Variants in RNF144B observed in about 807,000 individuals in gnomAD.
The protein encoded by RNF144B is ring finger protein 144B.
Under a neutral mutation model 40.2 loss-of-function variants are expected in RNF144B, and 25 were observed. The ratio of observed to expected loss-of-function variants is 0.62; its 90% CI spans 0.45 to 0.87. The LOEUF is 0.87. Ranked by LOEUF, RNF144B falls within the 40% of genes least tolerant of loss-of-function variation. The pLI, the probability that RNF144B is intolerant of heterozygous loss-of-function variation, is 0.00. For synonymous variants in RNF144B, 145 were observed against 136.3 expected, an observed-to-expected ratio of 1.06 and a Z score of -0.44; for missense variants, 365 against 373.7, an observed-to-expected ratio of 0.98 and a Z score of 0.19.
intron 3 of RNF144B, among the ~76,000 whole-genome samples, chr6:18,437,672 A>G (rs1370768417): frequency 6.6e-6 from 1 of 152,250 alleles, no homozygotes; most frequent in East Asian, 1.9e-4. Context: ...AAGACAAAAA[A>G]ATTAGAAATC....
rs1315370153 is a variant in RNF144B, at chr6:18,425,036, CGTGTATGT to C, written c.166-2533_166-2526del. Among the ~76,000 whole-genome samples, 2 of 150,670 alleles carry C rather than the reference CGTGTATGT, an allele frequency of 1.3e-5. No individual in the cohort carries two copies. The highest frequency in any genetic ancestry group is 2.4e-5 in the African/African-American group (1 of 41,166). ...GAAGGGCTTCCATATATAAATTTCA[CGTGTATGT>C]GTGTATGTGTGGGTGTGTGTGTGTG... On this transcript the variant is annotated intron_variant, in intron 2 of 7. Coordinates refer to ENST00000259939, the MANE Select transcript of RNF144B (RefSeq NM_182757.4). The surrounding 1 kb of genome is among the most constrained non-coding windows in gnomAD (Gnocchi z 4.2).
chr6:18,430,352 C>A (rs1758665340), intron 3 of RNF144B, among the ~76,000 whole-genome samples: 1 of 152,184 alleles, frequency 6.6e-6, no homozygotes, highest in Non-Finnish European at 1.5e-5. Context: ...TAGGCACTGA[C>A]ATTTTGAGTA....
At position 18,414,098 on chromosome 6, in the gene RNF144B, C is replaced by T. The variant is rs1795100299; in HGVS notation, c.166-13483C>T. ...TTGTGAGGTGAGGAATAGTCGTGGT[C>T]TTGATGCAATGTAACTTATAATTAG... is the stretch of plus-strand genomic sequence containing the variant. On this transcript the variant is annotated intron_variant, in intron 2 of 7. Coordinates refer to ENST00000259939, the MANE Select transcript of RNF144B (RefSeq NM_182757.4). This position sits in a 1 kb window ranked among gnomAD's most constrained non-coding sequence, Gnocchi z 4.9. 6.6e-6 allele frequency among the ~76,000 whole-genome samples: 1 copy of T among 152,096 alleles called. No individual in the cohort carries two copies. The highest frequency in any genetic ancestry group is 2.4e-5 in the African/African-American group (1 of 41,410).
At chr6:18,387,674 C>T (rs757024307) in intron 1 of RNF144B, 44 bp downstream of exon 1, 21 of 1,281,010 alleles carry the variant, frequency 1.6e-5, no homozygotes, top group Admixed American at 1.2e-4. Flanking sequence ...GTTGCAAGAC[C>T]GGAATGGTGT....
chr6:18,415,026 C>T lies in RNF144B; in HGVS notation c.166-12555C>T, dbSNP rs538611546. Among the ~76,000 whole-genome samples the T allele has an allele frequency of 3.9e-5, 6 of 152,264 alleles. No homozygotes were observed. The South Asian group carries it at 1.2e-3, about 32-fold the overall frequency. ...GAATGGTGTAGTATTTGCATGTAAC[C>T]TATGTACATCCTCCCATATACTTTA... On this transcript the variant is annotated intron_variant, in intron 2 of 7. Transcript: ENST00000259939.
At position 18,406,474 on chromosome 6, in the gene RNF144B, G is replaced by GTT. The variant is rs1794909963; in HGVS notation, c.165+6776_165+6777insTT. ...GCTGGAAAAGTGTGTGTGTGTGTGT[G>GTT]TGTGTGTGTGTGTGTGTGTGTGTGT... is the stretch of plus-strand genomic sequence containing the variant. On this transcript the variant is annotated intron_variant, in intron 2 of 7. Coordinates refer to ENST00000259939, the MANE Select transcript of RNF144B (RefSeq NM_182757.4). The surrounding 1 kb of genome is among the most constrained non-coding windows in gnomAD (Gnocchi z 4.2). Among the ~76,000 whole-genome samples, 1 of 148,836 alleles carries GTT rather than the reference G, an allele frequency of 6.7e-6. No individual in the cohort carries two copies. Among genetic ancestry groups the GTT allele is most frequent in the Non-Finnish European group, 1.5e-5 (1 of 67,450 alleles).
rs941191681 is a variant in RNF144B at position 18,442,115 on chromosome 6, T to C, written c.331+2371T>C. On this transcript the variant is annotated intron_variant, in intron 4 of 7. Coordinates refer to ENST00000259939, the MANE Select transcript of RNF144B (RefSeq NM_182757.4). The surrounding 1 kb of genome is among the most constrained non-coding windows in gnomAD (Gnocchi z 4.3). Reference sequence around the variant, plus strand: ...TGTGGGGCAAGGTAGATGTGGAAAATCATTGGCTAAGATTTCCACTCTTTC... The same window carrying C: ...TGTGGGGCAAGGTAGATGTGGAAAACCATTGGCTAAGATTTCCACTCTTTC... Among the ~76,000 whole-genome samples the C allele has an allele frequency of 4.0e-5, 6 of 151,790 alleles. No individual in the cohort carries two copies. Among genetic ancestry groups the C allele is most frequent in the Admixed American group, 1.3e-4 (2 of 15,258 alleles).
intron 3 of RNF144B, among the ~76,000 whole-genome samples, chr6:18,428,325 G>A (rs1758612255): frequency 6.6e-6 from 1 of 152,194 alleles, no homozygotes; most frequent in Admixed American, 6.5e-5. Flanking sequence ...AGGCTGAATA[G>A]TGAATGGTCT....
chr6:18,394,229 T>C (rs551945863), intron 1 of RNF144B, among the ~76,000 whole-genome samples: 52 of 152,338 alleles, frequency 3.4e-4, no homozygotes, highest in African/African-American at 1.2e-3. Flanking sequence ...TCCCTTCCAA[T>C]TACACTATCT....
At chr6:18,401,637 A>T (rs1026513546) in intron 2 of RNF144B, among the ~76,000 whole-genome samples, 2 of 152,174 alleles carry the variant, frequency 1.3e-5, no homozygotes, top group African/African-American at 4.8e-5. Flanking sequence ...TCTTGTTTTT[A>T]AAAAAATGAC....
chr6:18,468,822 A>C lies in RNF144B; in HGVS notation c.*3755A>C, dbSNP rs1759625769. 6.6e-6 allele frequency: 1 copy of C among 152,200 alleles called. No individual in the cohort carries two copies. Among genetic ancestry groups the C allele is most frequent in the Admixed American group, 6.5e-5 (1 of 15,282 alleles). The allele number at this position is 152,200 out of a possible 1,614,324, so 9.4% of individuals were successfully genotyped here. On this transcript the variant is annotated 3_prime_UTR_variant, in exon 8 of 8. Transcript: ENST00000259939. ...GTTATATTTTTCCAATTTTTGGAGA[A>C]GAAAATAGCTGTTTAGGCTCTCTAG...
chr6:18,455,041 C>T (rs916182149), intron 4 of RNF144B, among the ~76,000 whole-genome samples: 1 of 152,188 alleles, frequency 6.6e-6, no homozygotes, highest in Non-Finnish European at 1.5e-5. Flanking sequence ...CTCTAAGTTA[C>T]ATACTAACCT....
chr6:18,464,392 A>G lies in RNF144B; in HGVS notation c.772-535A>G, dbSNP rs910969789. On this transcript the variant is annotated intron_variant, in intron 7 of 7. Transcript: ENST00000259939. The surrounding 1 kb of genome is among the most constrained non-coding windows in gnomAD (Gnocchi z 6.1). The stretch of plus-strand genomic sequence containing the variant: ...TTCCATCCTTGATTTGGTCCTTTGT[A>G]TCTCTCTGGCTTCTCTCCAATTCAG... Among the ~76,000 whole-genome samples the G allele has an allele frequency of 7.2e-5, 11 of 152,254 alleles. No homozygotes were observed. Among genetic ancestry groups the G allele is most frequent in the Admixed American group, 3.9e-4 (6 of 15,294 alleles).
chr6:18,391,237 G>A (rs1237187007), intron 1 of RNF144B, among the ~76,000 whole-genome samples: 1 of 152,112 alleles, frequency 6.6e-6, no homozygotes, highest in Non-Finnish European at 1.5e-5. Flanking sequence ...TGTCTGACCT[G>A]CCTTTAAGTG....
chr6:18,446,840 GGTGTGTGT>G lies in RNF144B; in HGVS notation c.331+7123_331+7130del, dbSNP rs70974744. Among the ~76,000 whole-genome samples, 206 of 147,994 alleles carry G rather than the reference GGTGTGTGT, an allele frequency of 1.4e-3. No individual in the cohort carries two copies. The highest frequency in any genetic ancestry group is 2.5e-3 in the African/African-American group (101 of 40,006). ...TAAAGTTTTATTGGTTCTATTTTAG[GGTGTGTGT>G]GTGTGTGTGTGTGTGTGTGTGTGTG... On this transcript the variant is annotated intron_variant, in intron 4 of 7. Coordinates refer to ENST00000259939, the MANE Select transcript of RNF144B (RefSeq NM_182757.4). This position sits in a 1 kb window ranked among gnomAD's most constrained non-coding sequence, Gnocchi z 4.7.
Position 18,414,021 on chromosome 6 carries a change from GA to G in RNF144B, c.166-13556del, listed in dbSNP as rs1462881710. On this transcript the variant is annotated intron_variant, in intron 2 of 7. Transcript: ENST00000259939. The surrounding 1 kb of genome is among the most constrained non-coding windows in gnomAD (Gnocchi z 4.9). ...TTGACTTCTAAAAACTTGCTTTTTA[GA>G]AAATGTTAAAAAAAATTCCAGGTTT... Among the ~76,000 whole-genome samples the G allele has an allele frequency of 2.0e-5, 3 of 152,024 alleles. No individual in the cohort carries two copies. The highest frequency in any genetic ancestry group is 7.3e-5 in the African/African-American group (3 of 41,376).
intron 2 of RNF144B, among the ~76,000 whole-genome samples, chr6:18,413,495 C>T (rs559204051): frequency 1.3e-5 from 2 of 152,254 alleles, no homozygotes; most frequent in East Asian, 3.9e-4. Context: ...GAACTTTCCA[C>T]TGTGTGATTT....
intron 7 of RNF144B, among the ~76,000 whole-genome samples, chr6:18,463,751 G>A (rs1759519061): frequency 6.6e-6 from 1 of 152,210 alleles, no homozygotes; most frequent in Non-Finnish European, 1.5e-5. Context: ...TGCTAATGAA[G>A]ACATACCTGA....
rs367834627 is a variant in RNF144B at position 18,457,267 on chromosome 6, C to T, written c.444C>T (p.Cys148=). 6 of 1,614,010 alleles carry T rather than the reference C, an allele frequency of 3.7e-6. No homozygotes were observed. The highest frequency in any genetic ancestry group is 5.1e-6 in the Non-Finnish European group (6 of 1,179,992). ...GQPVLVECPS[C]HLKFCSCCKD... ...CTGTGCTGGTGGAATGCCCTTCTTG[C>T]CACCTGAAATTCTGCTCGTGTTGCA... Residue 148 remains cysteine (C), a synonymous_variant, in exon 5 of 8, where the codon TGC becomes TGT. Coordinates refer to ENST00000259939, the MANE Select transcript of RNF144B (RefSeq NM_182757.4). This position sits in a 1 kb window ranked among gnomAD's most constrained non-coding sequence, Gnocchi z 5.1.
Sources: gnomAD v4.1 joint callset for allele counts (sites outside exome capture counted in the v4.1 genomes callset) on GRCh38, gnomAD v4.1.1 for gene constraint, Gnocchi (gnomAD v3.1) non-coding constraint, MANE v1.5 for transcripts, NCBI Gene and HGNC (gene_info 2026-07-23, HGNC 2026-07-21) for gene names.